The following TRPS1 variants were observed in gnomAD, a reference collection of about 807,000 sequenced individuals.
TRPS1 encodes transcriptional repressor GATA binding 1.
TRPS1 carries 6 observed loss-of-function variants against 101.2 expected under a neutral mutation model. The ratio of observed to expected loss-of-function variants is 0.06; its 90% confidence interval spans 0.03 to 0.12. TRPS1 has a LOEUF of 0.12. Among genes scored for constraint, TRPS1 ranks in the 10% least tolerant of loss-of-function variants. The probability of loss-of-function intolerance (pLI) is 1.00; values close to 1 mark genes in which losing one functional copy is unlikely to be tolerated. For missense variants in TRPS1, 1,363 were observed against 1,567.0 expected, an observed-to-expected ratio of 0.87 and a Z score of 2.20; for synonymous variants, 578 against 589.8, an observed-to-expected ratio of 0.98 and a Z score of 0.29.
At chr8:115,545,099 C>T (rs997875925) in intron 5 of TRPS1, among the ~76,000 whole-genome samples, 5 of 152,134 alleles carry the variant, frequency 3.3e-5, no homozygotes. Flanking sequence ...TCATTTGCAG[C>T]TTTTCTAGGT....
chr8:115,592,986 AT>A (rs879810280), intron 4 of TRPS1, among the ~76,000 whole-genome samples: 69 of 146,598 alleles, frequency 4.7e-4, no homozygotes, highest in Admixed American at 7.5e-4. Flanking sequence ...TCCCAAATAA[AT>A]TTTTTTTTTT....
At chr8:115,591,600 A>G (rs950958543) in intron 4 of TRPS1, among the ~76,000 whole-genome samples, 7 of 152,196 alleles carry the variant, frequency 4.6e-5, no homozygotes, top group Non-Finnish European at 7.3e-5. Context: ...AGCTGCTGTC[A>G]TCATCCTGGA....
chr8:115,634,933 C>G (rs1422712717), intron 1 of TRPS1, among the ~76,000 whole-genome samples: 1 of 151,624 alleles, frequency 6.6e-6, no homozygotes, highest in Non-Finnish European at 1.5e-5. Flanking sequence ...ATATCCTGCC[C>G]TGGTTTACTG....
intron 5 of TRPS1, among the ~76,000 whole-genome samples, chr8:115,576,531 G>C (rs1014426754): frequency 1.3e-5 from 2 of 152,044 alleles, no homozygotes; most frequent in African/African-American, 4.8e-5. Context: ...TATGAGGCTT[G>C]AGTGACTCAC....
intron 5 of TRPS1, among the ~76,000 whole-genome samples, chr8:115,493,055 T>C (rs927140271): frequency 6.6e-6 from 1 of 152,094 alleles, no homozygotes; most frequent in Non-Finnish European, 1.5e-5. Flanking sequence ...GGTAAGATAC[T>C]TTTTTAAAAG....
chr8:115,549,665 C>G (rs917677831), intron 5 of TRPS1, among the ~76,000 whole-genome samples: 4 of 142,260 alleles, frequency 2.8e-5, no homozygotes, highest in African/African-American at 1.1e-4. Context: ...TACTATAATA[C>G]TCTATTAAAA....
intron 5 of TRPS1, among the ~76,000 whole-genome samples, chr8:115,507,985 TGAA>T (rs1384674008): frequency 1.3e-5 from 2 of 151,996 alleles, no homozygotes; most frequent in Non-Finnish European, 2.9e-5. Flanking sequence ...CTTTGTTCCT[TGAA>T]AAAAATGCTA....
intron 1 of TRPS1, chr8:115,668,177 C>T: frequency 1.9e-6 from 1 of 535,774 alleles, no homozygotes; most frequent in South Asian, 2.2e-5. Context: ...CGCTGGTTTC[C>T]AAAGCTCAGA....
chr8:115,617,510 G>A (rs1818299578), intron 3 of TRPS1, among the ~76,000 whole-genome samples: 1 of 152,150 alleles, frequency 6.6e-6, no homozygotes, highest in Non-Finnish European at 1.5e-5. Context: ...ATAGGCCTTA[G>A]TAATTTTCGT....
chr8:115,644,726 T>C (rs1469795610), intron 1 of TRPS1, among the ~76,000 whole-genome samples: 2 of 152,184 alleles, frequency 1.3e-5, no homozygotes, highest in Non-Finnish European at 2.9e-5. Context: ...CTAAGCATAA[T>C]CATTTCTAGC....
Position 115,540,507 on chromosome 8 carries a change from A to C in TRPS1, c.2700+46494T>G, listed in dbSNP as rs182774050. ...AGAGGTGAATAAAAAGATCTTGAGAATAGCATTTCTTGATCTTCCATTACT... is the reference window on the plus strand; with the variant it reads ...AGAGGTGAATAAAAAGATCTTGAGACTAGCATTTCTTGATCTTCCATTACT... On this transcript the variant is annotated intron_variant, in intron 5 of 6. Transcript: ENST00000395715. Among the ~76,000 whole-genome samples, 17 of 152,282 alleles carry C rather than the reference A, an allele frequency of 1.1e-4. No homozygotes were observed. In the East Asian group the frequency reaches 1.5e-3, roughly 14 times the overall value.
chr8:115,632,803 C>CAGGA (rs1216796913), intron 1 of TRPS1, among the ~76,000 whole-genome samples: 11 of 152,078 alleles, frequency 7.2e-5, no homozygotes, highest in African/African-American at 1.9e-4. Flanking sequence ...GTTTAGCAGT[C>CAGGA]AGGAGAGTGA....
At chr8:115,570,807 A>G (rs1328022622) in intron 5 of TRPS1, among the ~76,000 whole-genome samples, 1 of 152,156 alleles carries the variant, frequency 6.6e-6, no homozygotes, top group Non-Finnish European at 1.5e-5. Context: ...TAAAATCATA[A>G]GAACTGGAAA....
At chr8:115,612,056 G>C (rs188298771) in intron 3 of TRPS1, among the ~76,000 whole-genome samples, 3 of 150,824 alleles carry the variant, frequency 2.0e-5, no homozygotes, top group Admixed American at 2.0e-4. Flanking sequence ...AAGAAAGAAA[G>C]GAAGGTGAGA....
At chr8:115,597,464 T>TA (rs1817813080) in intron 4 of TRPS1, among the ~76,000 whole-genome samples, 1 of 152,098 alleles carries the variant, frequency 6.6e-6, no homozygotes, top group Non-Finnish European at 1.5e-5. Flanking sequence ...TTTTGACATT[T>TA]AATTTCTTTT....
At position 115,668,545 on chromosome 8, in the gene TRPS1, C is replaced by T. The variant is rs1811989899; in HGVS notation, c.-122G>A. ...GCCCGCTCGGGCCTCCCCTCCTTACCTGTTGATTAATCGTCAAGAACACCC... is the reference window on the plus strand; with the variant it reads ...GCCCGCTCGGGCCTCCCCTCCTTACTTGTTGATTAATCGTCAAGAACACCC... On this transcript the variant is annotated splice_region_variant and 5_prime_UTR_variant, in exon 1 of 7. Transcript: ENST00000395715. 1.4e-5 allele frequency: 2 copies of T among 147,946 alleles called. No individual in the cohort carries two copies. The highest frequency in any genetic ancestry group is 1.3e-4 in the Admixed American group (2 of 14,872). 9.2% of individuals were successfully genotyped at this position (147,946 alleles called of 1,614,324 possible).
intron 5 of TRPS1, among the ~76,000 whole-genome samples, chr8:115,541,196 C>T (rs996884251): frequency 2.6e-5 from 4 of 152,192 alleles, no homozygotes; most frequent in Admixed American, 2.6e-4. Flanking sequence ...TGAAGGCACT[C>T]AGCATGCTGT....
In TRPS1 at chr8:115,619,385, T is replaced by C. The variant is rs768026995; in HGVS notation, c.713A>G (p.Asn238Ser). ...LSPELQDFKC[N>S]ICGYGYYGND... is the part of the protein sequence containing the mutation. The stretch of plus-strand genomic sequence containing the variant: ...GCCGTAGTAACCATATCCACAGATA[T>C]TGCATTTAAAGTCCTGAAGCTCTGG... The change falls in exon 3 of 7, where the codon AAT becomes AGT. Residue 238 changes from asparagine to serine, a missense_variant. Physicochemically the swap from Asn to Ser is conservative, Grantham distance 46. Coordinates refer to ENST00000395715, the MANE Select transcript of TRPS1 (RefSeq NM_014112.5). The C allele has an allele frequency of 1.2e-5, 19 of 1,614,152 alleles. No individual in the cohort carries two copies. The highest frequency in any genetic ancestry group is 1.3e-5 in the Non-Finnish European group (15 of 1,180,030).
At chr8:115,487,175 C>G (rs181664914) in intron 5 of TRPS1, among the ~76,000 whole-genome samples, 10 of 151,996 alleles carry the variant, frequency 6.6e-5, no homozygotes, top group African/African-American at 2.4e-4. Flanking sequence ...TGTAATGGGA[C>G]AGCAAAGCCT....
Sources: gnomAD v4.1 joint callset for allele counts (sites outside exome capture counted in the v4.1 genomes callset) on GRCh38, gnomAD v4.1.1 for gene constraint, MANE v1.5 for transcripts, NCBI Gene and HGNC (gene_info 2026-07-23, HGNC 2026-07-21) for gene names.